The following VPS13C variants were observed in gnomAD, a reference collection of about 807,000 sequenced individuals.
VPS13C encodes the protein vacuolar protein sorting 13 homolog C, also known as intermembrane lipid transfer protein VPS13C.
Under a neutral mutation model 456.8 loss-of-function variants are expected in VPS13C, and 358 were observed. The observed-to-expected ratio is 0.78, with a 90% CI of 0.72 to 0.86. VPS13C has a LOEUF of 0.86. Among genes scored for constraint, VPS13C ranks in the 40% least tolerant of loss-of-function variants. The probability of loss-of-function intolerance (pLI) is 0.00; values close to 1 mark genes in which losing one functional copy is unlikely to be tolerated. For missense variants in VPS13C, 4,818 were observed against 4,385.4 expected, an observed-to-expected ratio of 1.10 and a Z score of -2.79; for synonymous variants, 1,578 against 1,486.7, an observed-to-expected ratio of 1.06 and a Z score of -1.41.
rs770962714 is a variant in VPS13C, at chr15:62,013,112, C to T, written c.752G>A (p.Arg251Gln). 9.3e-6 allele frequency: 15 copies of T among 1,604,776 alleles called. No homozygotes were observed. Among genetic ancestry groups the T allele is most frequent in the Middle Eastern group, 1.7e-4 (1 of 6,048 alleles). Residue 251 changes from arginine to glutamine, a missense_variant, in exon 11 of 85, where the codon CGA becomes CAA. By Grantham distance (43) the Arg-to-Gln change is conservative. Coordinates refer to ENST00000644861, the MANE Select transcript of VPS13C (RefSeq NM_020821.3). ...EADKIIYKLIRLDSLSAYWNV... is the reference protein window; with the variant it reads ...EADKIIYKLIQLDSLSAYWNV... ...CCAGTAGGCGCTAAGACTATCAAGTCGTATAAGCTATAAGAGAAAAATGAA... is the reference window on the plus strand; with the variant it reads ...CCAGTAGGCGCTAAGACTATCAAGTTGTATAAGCTATAAGAGAAAAATGAA...
chr15:61,922,847 A>G (rs2043707173), intron 53 of VPS13C, 85 bp from the exon 54 acceptor site: 1 of 1,046,908 alleles, frequency 9.6e-7, no homozygotes, highest in South Asian at 3.1e-5. Flanking sequence ...AGTGACATAC[A>G]TTAATTATAA....
At position 61,890,239 on chromosome 15, in the gene VPS13C, C is replaced by G. The variant is rs757448861; in HGVS notation, c.9267G>C (p.Leu3089Phe). The G allele has an allele frequency of 5.0e-6, 8 of 1,614,046 alleles. No individual in the cohort carries two copies. Among genetic ancestry groups the G allele is most frequent in the Non-Finnish European group, 5.9e-6 (7 of 1,180,004 alleles). The change falls in exon 67 of 85, where the codon TTG becomes TTC. Residue 3089 changes from leucine (L) to phenylalanine (F), a missense_variant. This residue lies in a region of VPS13C where 4,552 missense variants were observed against 4,130.6 expected (regional missense o/e 1.10). Transcript: ENST00000644861. ...GTGAAAGCCCAAGACTGTGGAGAGA[C>G]AAGGTTATTTCATAATCAGCCTGTT... Reference protein sequence around the residue: ...EMEQADYEITLSLHSLGLSLV... With the variant: ...EMEQADYEITFSLHSLGLSLV...
At chr15:61,856,531 T>A in intron 82 of VPS13C, 122 bp from the exon 83 acceptor site, 2 of 909,656 alleles carry the variant, frequency 2.2e-6, no homozygotes, top group Non-Finnish European at 3.1e-6. Flanking sequence ...AAACTGGCAC[T>A]AAAAAAAAAA....
intron 3 of VPS13C, among the ~76,000 whole-genome samples, chr15:62,038,872 G>C (rs1437807386): frequency 1.3e-5 from 2 of 152,058 alleles, no homozygotes; most frequent in Non-Finnish European, 2.9e-5. Context: ...CTAATTATCA[G>C]AGAAATACAA....
intron 3 of VPS13C, among the ~76,000 whole-genome samples, chr15:62,036,525 T>G (rs1230452457): frequency 6.6e-6 from 1 of 152,096 alleles, no homozygotes; most frequent in East Asian, 1.9e-4. Flanking sequence ...ATGGCTTGCA[T>G]GTCACGGGAA....
intron 1 of VPS13C, among the ~76,000 whole-genome samples, chr15:62,054,192 G>A (rs145746479): frequency 6.6e-6 from 1 of 152,020 alleles, no homozygotes; most frequent in African/African-American, 2.4e-5. Context: ...AATAGCTAAG[G>A]GCTGTGAAAT....
chr15:61,888,965 G>A (rs1297033145), intron 67 of VPS13C, among the ~76,000 whole-genome samples: 3 of 152,024 alleles, frequency 2.0e-5, no homozygotes, highest in African/African-American at 7.2e-5. Flanking sequence ...ACAAGAGTGC[G>A]GGTACGTGAA....
intron 37 of VPS13C, 146 bp downstream of exon 37, chr15:61,958,462 C>A (rs1201919120): frequency 1.9e-6 from 1 of 518,980 alleles, no homozygotes; most frequent in Non-Finnish European, 3.4e-6. Context: ...AATATGATTT[C>A]ATTCAATAGC....
At position 61,978,742 on chromosome 15, in the gene VPS13C, C is replaced by G; in HGVS notation, c.2174G>C (p.Ser725Thr). The G allele has an allele frequency of 6.3e-7, 1 of 1,590,442 alleles. No homozygotes were observed. The highest frequency in any genetic ancestry group is 8.5e-7 in the Non-Finnish European group (1 of 1,172,142). Residue 725 changes from serine to threonine, a missense_variant, in exon 23 of 85, where the codon AGT becomes ACT. Transcript: ENST00000644861. Reference sequence around the variant, plus strand: ...AGTCTTCTGTAAACCTTGATCTTTACTGTTGAGCTAAAATGAAGGACAAAT... The same window carrying G: ...AGTCTTCTGTAAACCTTGATCTTTAGTGTTGAGCTAAAATGAAGGACAAAT... Reference protein sequence around the residue: ...ILDFGTFQLNSKDQGLQKTTN... With the variant: ...ILDFGTFQLNTKDQGLQKTTN...
intron 25 of VPS13C, among the ~76,000 whole-genome samples, chr15:61,974,007 T>C (rs1316008723): frequency 6.6e-6 from 1 of 152,152 alleles, no homozygotes; most frequent in Non-Finnish European, 1.5e-5. Context: ...AAATTTCTAC[T>C]GTGTAAAGAT....
chr15:62,041,192 AC>A, intron 3 of VPS13C, 131 bp downstream of exon 3: 1 of 788,710 alleles, frequency 1.3e-6, no homozygotes, highest in Non-Finnish European at 2.0e-6. Context: ...TCAGAACTCT[AC>A]GAGCTCTAAT....
At chr15:61,919,832 A>G (rs1179310598) in intron 57 of VPS13C, among the ~76,000 whole-genome samples, 2 of 147,838 alleles carry the variant, frequency 1.4e-5, no homozygotes, top group Non-Finnish European at 3.0e-5. Context: ...TATATATTAT[A>G]TAATATATAC....
At chr15:61,981,288 T>G in intron 22 of VPS13C, 54 bp downstream of exon 22, 1 of 1,513,042 alleles carries the variant, frequency 6.6e-7, no homozygotes, top group South Asian at 1.3e-5. Context: ...TGTTGGAGAG[T>G]TAGCTAGCAA....
chr15:61,948,937 C>T (rs1367118661), intron 42 of VPS13C, among the ~76,000 whole-genome samples: 1 of 152,108 alleles, frequency 6.6e-6, no homozygotes, highest in Non-Finnish European at 1.5e-5. Context: ...AGTCATATGC[C>T]TGAGGACCCT....
intron 58 of VPS13C, 46 bp downstream of exon 58, chr15:61,919,243 A>G (rs1262881674): frequency 6.5e-7 from 1 of 1,546,436 alleles, no homozygotes; most frequent in Non-Finnish European, 8.7e-7. Context: ...TGATTTAACC[A>G]TTTCTTGGTA....
rs543822662 is a variant in VPS13C at position 62,013,525 on chromosome 15, T to G, written c.745-406A>C. Among the ~76,000 whole-genome samples the G allele has an allele frequency of 2.6e-5, 4 of 152,108 alleles. No homozygotes were observed. The East Asian group carries it at 7.7e-4, about 29-fold the overall frequency. On this transcript the variant is annotated intron_variant, in intron 10 of 84. Transcript: ENST00000644861. ...CAAGGTGGGAAAGCTACATACTAAA[T>G]AGCCCTCTTGGAGATTCACAGTGTT...
At chr15:61,967,177 C>T (rs1194002717) in intron 29 of VPS13C, among the ~76,000 whole-genome samples, 191 bp downstream of exon 29, 1 of 151,832 alleles carries the variant, frequency 6.6e-6, no homozygotes, top group East Asian at 1.9e-4. Context: ...AGTTTAGTGA[C>T]TTTGTATAAT....
chr15:62,006,110 T>A (rs566189050), intron 15 of VPS13C, among the ~76,000 whole-genome samples: 10 of 151,410 alleles, frequency 6.6e-5, no homozygotes, highest in African/African-American at 2.2e-4. Context: ...ATTTTTTTTT[T>A]ATTATTATTA....
intron 53 of VPS13C, among the ~76,000 whole-genome samples, chr15:61,924,659 C>T (rs1397860880): frequency 6.6e-6 from 1 of 152,120 alleles, no homozygotes; most frequent in Admixed American, 6.5e-5. Flanking sequence ...TAACAATATA[C>T]ATTCTAAGAC....
Sources: gnomAD v4.1 joint callset for allele counts (sites outside exome capture counted in the v4.1 genomes callset) on GRCh38, gnomAD v4.1.1 for gene constraint, gnomAD v4.1.1 regional missense constraint, MANE v1.5 for transcripts, NCBI Gene and HGNC (gene_info 2026-07-23, HGNC 2026-07-21) for gene names.